Variants in REC8 observed in about 807,000 individuals in gnomAD.
REC8 encodes REC8 meiotic recombination protein, also known as meiotic recombination protein REC8 homolog.
REC8 carries 42 observed loss-of-function variants against 78.3 expected under a neutral mutation model. That is an observed-to-expected ratio of 0.54 (90% CI 0.42 to 0.69). REC8 has a LOEUF of 0.69. Among genes scored for constraint, REC8 ranks in the 30% least tolerant of loss-of-function variants. REC8 has a pLI of 0.00. For missense variants in REC8, 581 were observed against 715.8 expected, an observed-to-expected ratio of 0.81 and a Z score of 2.15; for synonymous variants, 268 against 274.1, an observed-to-expected ratio of 0.98 and a Z score of 0.22.
Position 24,173,348 on chromosome 14 carries a change from A to G in REC8, c.399A>G (p.Pro133=), listed in dbSNP as rs538113714. The G allele has an allele frequency of 1.9e-6, 3 of 1,614,210 alleles. No individual in the cohort carries two copies. Among genetic ancestry groups the G allele is most frequent in the East Asian group, 2.2e-5 (1 of 44,888 alleles). The change falls in exon 5 of 19, where the codon CCA becomes CCG. Residue 133 remains proline, a synonymous_variant. Transcript: ENST00000611366. Reference sequence around the variant, plus strand: ...TGATGGAGACCCTAGAAGATGCTCCAGATCCCTTTTTTGGGATGATGTCTG... The same window carrying G: ...TGATGGAGACCCTAGAAGATGCTCCGGATCCCTTTTTTGGGATGATGTCTG... ...LAMMETLEDA[P]DPFFGMMSVD... is the part of the protein sequence containing the mutation.
Position 24,177,523 on chromosome 14 carries a change from C to A in REC8, c.796C>A (p.Pro266Thr). The A allele has an allele frequency of 1.9e-6, 3 of 1,613,808 alleles. No homozygotes were observed. Among genetic ancestry groups the A allele is most frequent in the Non-Finnish European group, 8.5e-7 (1 of 1,179,816 alleles). Residue 266 changes from proline to threonine, a missense_variant, in exon 10 of 19, where the codon CCT becomes ACT. Transcript: ENST00000611366. ...GGAGCTGAGGCTGACAGGCTGGGAA[C>A]CTGGGGCCCTACTCATGGGTGAGTG... ...PEELRLTGWEPGALLMEVTPP... is the reference protein window; with the variant it reads ...PEELRLTGWETGALLMEVTPP...
chr14:24,178,302 C>A, intron 12 of REC8, 80 bp downstream of exon 12: 1 of 1,289,756 alleles, frequency 7.8e-7, no homozygotes, highest in Non-Finnish European at 1.1e-6. Context: ...GCCTTCCAAA[C>A]TCCTCAGGTG....
chr14:24,177,610 T>C, intron 10 of REC8, 69 bp downstream of exon 10: 2 of 1,579,654 alleles, frequency 1.3e-6, no homozygotes, highest in Non-Finnish European at 1.7e-6. Flanking sequence ...AAGGGCTTTA[T>C]ATCCCAACTT....
intron 3 of REC8, 32 bp downstream of exon 3, chr14:24,173,073 G>C (rs779957226): frequency 1.2e-6 from 2 of 1,611,448 alleles, no homozygotes; most frequent in African/African-American, 2.7e-5. Context: ...GGTGGGGCGG[G>C]CTGAGCAGCT....
intron 13 of REC8, 29 bp from the exon 14 acceptor site, chr14:24,178,748 C>T (rs2039020570): frequency 3.7e-6 from 6 of 1,610,604 alleles, no homozygotes; most frequent in Non-Finnish European, 5.1e-6. Flanking sequence ...ACGCCTCAAA[C>T]CCCGTGCCTA....
At chr14:24,173,572 C>T (rs1417837163) in intron 5 of REC8, among the ~76,000 whole-genome samples, 161 bp downstream of exon 5, 1 of 152,180 alleles carries the variant, frequency 6.6e-6, no homozygotes, top group African/African-American at 2.4e-5. Flanking sequence ...CAGGCGAAGC[C>T]CCCTGTACTT....
At chr14:24,180,421 G>A, downstream of REC8, 1 of 1,599,900 alleles carries the variant, frequency 6.3e-7, no homozygotes, top group Non-Finnish European at 8.5e-7. Flanking sequence ...TATTCTCTCT[G>A]GACTGGCTGC....
chr14:24,173,477 T>C (rs2139122970), intron 5 of REC8, 66 bp downstream of exon 5: 5 of 1,593,642 alleles, frequency 3.1e-6, no homozygotes, highest in Non-Finnish European at 4.3e-6. Flanking sequence ...CCTGTGTCAC[T>C]CTGACATTGG....
In REC8 at chr14:24,179,674, C is replaced by A. The variant is rs1482101982; in HGVS notation, c.1399C>A (p.Pro467Thr). Residue 467 changes from proline to threonine, a missense_variant, in exon 17 of 19, where the codon CCT becomes ACT. Pro to Thr is a conservative substitution (Grantham distance 38). Transcript: ENST00000611366. ...PELPEVPMEMPLVLPPELELL... is the reference protein window; with the variant it reads ...PELPEVPMEMTLVLPPELELL... ...ACTCCCTGAGGTGCCCATGGAGATG[C>A]CTTTGGTGCTGCCCCCAGAGCTCGA... 1 of 1,614,212 alleles carries A rather than the reference C, an allele frequency of 6.2e-7. No homozygotes were observed. The highest frequency in any genetic ancestry group is 1.1e-5 in the South Asian group (1 of 91,090).
At chr14:24,172,666 C>T (rs1333693913) in intron 1 of REC8, 47 bp from the exon 2 acceptor site, 1 of 1,613,354 alleles carries the variant, frequency 6.2e-7, no homozygotes, top group Non-Finnish European at 8.5e-7. Flanking sequence ...CCCAGCCTGA[C>T]AGCTCCCCCT....
chr14:24,180,508 T>C (rs1016605482), downstream of REC8: 4 of 1,613,906 alleles, frequency 2.5e-6, no homozygotes, highest in African/African-American at 5.3e-5. Context: ...CCAGAGCTGC[T>C]TGAAAGCTGT....
chr14:24,180,485 A>G (rs1232279999), downstream of REC8: 1 of 1,613,764 alleles, frequency 6.2e-7, no homozygotes, highest in Admixed American at 1.7e-5. Context: ...AGCCTTGTCA[A>G]CAGGCAGTGA....
intron 13 of REC8, 38 bp from the exon 14 acceptor site, chr14:24,178,739 C>T (rs766517992): frequency 7.4e-6 from 12 of 1,611,524 alleles, no homozygotes; most frequent in Middle Eastern, 1.7e-4. Context: ...GTGCTCCTCA[C>T]GCCTCAAACC....
At chr14:24,177,434 C>G (rs2038950109) in intron 9 of REC8, 31 bp from the exon 10 acceptor site, 2 of 1,613,978 alleles carry the variant, frequency 1.2e-6, no homozygotes, top group African/African-American at 1.3e-5. Context: ...TGGGAAGGGT[C>G]TCCTCATTTC....
rs372009495 is a variant in REC8, at chr14:24,176,907, T to G, written c.624+6T>G. ...TACGGATGCTGGAGATTGAGGTGAG[T>G]TCCCCTGCACACAGGGCCTGAGGTC... is the stretch of plus-strand genomic sequence containing the variant. On this transcript the variant is annotated splice_donor_region_variant and intron_variant, in intron 7 of 18. Transcript: ENST00000611366. 6.2e-7 allele frequency: 1 copy of G among 1,610,200 alleles called. No homozygotes were observed. Among genetic ancestry groups the G allele is most frequent in the East Asian group, 2.2e-5 (1 of 44,820 alleles).
chr14:24,178,345 TCTC>T lies in REC8; in HGVS notation c.996+128_996+130del, dbSNP rs367615879. Reference sequence around the variant, plus strand: ...GGAGGATTGGGAACTTGATGAAAAATCTCCTCCATTCTCCAGAAAATGCAGGCG... The same window carrying T: ...GGAGGATTGGGAACTTGATGAAAAATCTCCATTCTCCAGAAAATGCAGGCG... On this transcript the variant is annotated intron_variant, in intron 12 of 18. Coordinates refer to ENST00000611366, the MANE Select transcript of REC8 (RefSeq NM_001048205.2). 1,535 of 899,578 alleles carry T rather than the reference TCTC, an allele frequency of 1.7e-3. 10 individuals are homozygous for T. In the African/African-American group the frequency reaches 0.023, roughly 13 times the overall value. The allele number at this position is 899,578 out of a possible 1,614,324, so 55.7% of individuals were successfully genotyped here.
chr14:24,180,654 TC>T, downstream of REC8: 1 of 1,613,118 alleles, frequency 6.2e-7, no homozygotes. Flanking sequence ...ACTCCCAGCC[TC>T]CCGCAAGCCC....
chr14:24,179,200 CA>C lies in REC8; in HGVS notation c.1252+69del, dbSNP rs1283436095. 21 of 1,394,588 alleles carry C rather than the reference CA, an allele frequency of 1.5e-5. No homozygotes were observed. The African/African-American group carries it at 3.0e-4, about 20-fold the overall frequency. 86.4% of individuals were successfully genotyped at this position (1,394,588 alleles called of 1,614,324 possible). The stretch of plus-strand genomic sequence containing the variant: ...CCACTGTCCCAGGAAACTAGTATCC[CA>C]ACTGCTGAAGCTGTTTTATGAGTGA... On this transcript the variant is annotated intron_variant, in intron 15 of 18. Coordinates refer to ENST00000611366, the MANE Select transcript of REC8 (RefSeq NM_001048205.2).
chr14:24,177,224 T>C lies in REC8; in HGVS notation c.706+2T>C, dbSNP rs373285672. The C allele has an allele frequency of 8.7e-6, 14 of 1,613,876 alleles. No individual in the cohort carries two copies. In the East Asian group the frequency reaches 8.9e-5, roughly 10 times the overall value. ...AAGAAGAAGCTATCTTGTTAGAAAG[T>C]AGGTGTCTCCGGCAGCGTAGGGCCC... On this transcript the variant is annotated splice_donor_variant, in intron 8 of 18. Coordinates refer to ENST00000611366, the MANE Select transcript of REC8 (RefSeq NM_001048205.2). LOFTEE classifies it high-confidence loss of function.
Sources: gnomAD v4.1 joint callset for allele counts (sites outside exome capture counted in the v4.1 genomes callset) on GRCh38, gnomAD v4.1.1 for gene constraint, MANE v1.5 for transcripts, NCBI Gene and HGNC (gene_info 2026-07-23, HGNC 2026-07-21) for gene names.